The following SLC25A48 variants were observed in gnomAD, a reference collection of about 807,000 sequenced individuals.
SLC25A48 encodes CTC-321K16.1.
In SLC25A48, 29 loss-of-function variants were observed where a neutral mutation model predicts 32.2. The observed-to-expected ratio is 0.90, with a 90% CI of 0.67 to 1.23. The LOEUF is 1.23. Among genes scored for constraint, SLC25A48 ranks in the 50% most tolerant of loss-of-function variants. The pLI is 0.00. For synonymous variants in SLC25A48, 164 were observed against 172.3 expected, an observed-to-expected ratio of 0.95 and a Z score of 0.38; for missense variants, 399 against 422.7, an observed-to-expected ratio of 0.94 and a Z score of 0.49.
chr5:135,686,833 T>C (rs1754030846), intron 3 of SLC25A48, among the ~76,000 whole-genome samples: 1 of 152,168 alleles, frequency 6.6e-6, no homozygotes, highest in South Asian at 2.1e-4. Context: ...GAAGGATGAA[T>C]AGATGAACTG....
chr5:135,752,470 T>C (rs1213104577), intron 3 of SLC25A48, among the ~76,000 whole-genome samples: 1 of 152,220 alleles, frequency 6.6e-6, no homozygotes, highest in African/African-American at 2.4e-5. Context: ...TCACAACGTG[T>C]CCACACATGG....
intron 3 of SLC25A48, among the ~76,000 whole-genome samples, chr5:135,708,665 G>C (rs1319807251): frequency 6.6e-6 from 1 of 152,202 alleles, no homozygotes; most frequent in African/African-American, 2.4e-5. Flanking sequence ...TGCTGCTGTG[G>C]TGCCCAGAGA....
Position 135,852,781 on chromosome 5 carries a change from C to T in SLC25A48, c.381C>T (p.Ile127=), listed in dbSNP as rs745623997. The T allele has an allele frequency of 6.2e-7, 1 of 1,613,460 alleles. No homozygotes were observed. The highest frequency in any genetic ancestry group is 8.5e-7 in the Non-Finnish European group (1 of 1,179,454). ...GGCTGGGAGGGCCCGTGGACCTCAT[C>T]AAGATCCGGTTGCAGATGCAGACAC... ...SVGLGGPVDL[I]KIRLQMQTQP... is the part of the protein sequence containing the mutation. The change falls in exon 4 of 8, where the codon ATC becomes ATT. Residue 127 remains isoleucine (I), a synonymous_variant. Transcript: ENST00000681962.
chr5:135,793,895 C>CCT (rs1267762003), intron 3 of SLC25A48, among the ~76,000 whole-genome samples: 8 of 151,096 alleles, frequency 5.3e-5, no homozygotes, highest in African/African-American at 1.9e-4. Flanking sequence ...AGTGAGTGTA[C>CCT]AACATGTGTG....
rs535250110 is a variant in SLC25A48, at chr5:135,618,607, G to A, written c.-848-10630G>A. On this transcript the variant is annotated intron_variant, in intron 1 of 10. Coordinates refer to the SLC25A48 transcript ENST00000646290. ...TATTTGCTCTACCAGTGGTTTTTAT[G>A]TTTTCATGATGGTAGTTATTGTTCT... 4.0e-5 allele frequency among the ~76,000 whole-genome samples: 6 copies of A among 151,854 alleles called. No homozygotes were observed. In the East Asian group the frequency reaches 7.8e-4, roughly 20 times the overall value.
At chr5:135,843,565 G>C (rs1580968150) in intron 2 of SLC25A48, among the ~76,000 whole-genome samples, 2 of 152,206 alleles carry the variant, frequency 1.3e-5, no homozygotes, top group Admixed American at 1.3e-4. Flanking sequence ...AACACAAGGT[G>C]ATGGCAAACA....
At chr5:135,765,655 C>T (rs1029830301) in intron 3 of SLC25A48, among the ~76,000 whole-genome samples, 2 of 150,930 alleles carry the variant, frequency 1.3e-5, no homozygotes, top group African/African-American at 4.9e-5. Flanking sequence ...ATATTTCTCC[C>T]CATGTCTCTG....
chr5:135,737,944 AG>A (rs1363739222), intron 3 of SLC25A48, among the ~76,000 whole-genome samples: 1 of 152,164 alleles, frequency 6.6e-6, no homozygotes, highest in Non-Finnish European at 1.5e-5. Context: ...GGACCATCCG[AG>A]GAGCTCAGCA....
intron 3 of SLC25A48, among the ~76,000 whole-genome samples, chr5:135,723,380 T>TCTCACACACACACACACACACA (rs1356362581): frequency 5.4e-5 from 6 of 111,712 alleles, no homozygotes; most frequent in Non-Finnish European, 9.2e-5. Context: ...TCTCTCTCTC[T>TCTCACACACACACACACACACA]CACACACACA....
intron 7 of SLC25A48, among the ~76,000 whole-genome samples, chr5:135,884,811 A>G (rs577932230): frequency 2.6e-5 from 4 of 152,294 alleles, no homozygotes; most frequent in African/African-American, 7.2e-5. Flanking sequence ...CACAAGGCCA[A>G]CTGGGGTCTT....
At chr5:135,717,363 C>G (rs1754827436) in intron 3 of SLC25A48, among the ~76,000 whole-genome samples, 1 of 152,174 alleles carries the variant, frequency 6.6e-6, no homozygotes, top group Non-Finnish European at 1.5e-5. Context: ...AGGTATCACT[C>G]CAGGCTGTCT....
chr5:135,592,783 G>C (rs1024105638), intron 1 of SLC25A48, among the ~76,000 whole-genome samples: 29 of 152,252 alleles, frequency 1.9e-4, no homozygotes, highest in African/African-American at 7.0e-4. Flanking sequence ...GGGGAGAGCT[G>C]GTTCCCATGC....
intron 3 of SLC25A48, among the ~76,000 whole-genome samples, chr5:135,637,072 A>G (rs1354486653): frequency 2.6e-5 from 4 of 152,234 alleles, no homozygotes; most frequent in Non-Finnish European, 5.9e-5. Flanking sequence ...TTTAATAGCC[A>G]TTTAGATTTG....
rs530162078 is a variant in SLC25A48, at chr5:135,815,891, A to G, written c.-117+2965A>G. ...TCTTGTCCCAAGCAAAAGTATCTGA[A>G]AAATCATGGCTTAGATGTTGTATTA... On this transcript the variant is annotated intron_variant, in intron 4 of 10. Coordinates refer to the SLC25A48 transcript ENST00000646290. Among the ~76,000 whole-genome samples the G allele has an allele frequency of 7.2e-5, 11 of 152,344 alleles. No individual in the cohort carries two copies. The East Asian group carries it at 2.1e-3, about 29-fold the overall frequency.
At chr5:135,656,221 C>T (rs767570981) in intron 3 of SLC25A48, among the ~76,000 whole-genome samples, 1 of 152,140 alleles carries the variant, frequency 6.6e-6, no homozygotes, top group African/African-American at 2.4e-5. Flanking sequence ...CTTCTCCAAT[C>T]CCCCGCTATC....
At chr5:135,787,661 G>C (rs4521467) in intron 3 of SLC25A48, among the ~76,000 whole-genome samples, 12 of 151,512 alleles carry the variant, frequency 7.9e-5, no homozygotes, top group Admixed American at 1.3e-4. Context: ...TAATATCCTA[G>C]GGGGGATGTT....
At chr5:135,776,686 A>G (rs917002610) in intron 3 of SLC25A48, among the ~76,000 whole-genome samples, 6 of 150,044 alleles carry the variant, frequency 4.0e-5, no homozygotes, top group African/African-American at 9.8e-5. Flanking sequence ...TCCCAATATC[A>G]CAGAGGGTGT....
chr5:135,843,649 T>G (rs941257975), intron 2 of SLC25A48, among the ~76,000 whole-genome samples: 3 of 152,108 alleles, frequency 2.0e-5, no homozygotes, highest in African/African-American at 7.2e-5. Flanking sequence ...AAGTTGAGAC[T>G]CAGATGACAC....
At chr5:135,611,627 G>A (rs11738689) in intron 1 of SLC25A48, among the ~76,000 whole-genome samples, 13,605 of 149,394 alleles carry the variant, frequency 0.091, 612 homozygotes, top group South Asian at 0.15. Context: ...CATGAGAATC[G>A]TTTGCACCTG....
Sources: gnomAD v4.1 joint callset for allele counts (sites outside exome capture counted in the v4.1 genomes callset) on GRCh38, gnomAD v4.1.1 for gene constraint, MANE v1.5 for transcripts, NCBI Gene and HGNC (gene_info 2026-07-23, HGNC 2026-07-21) for gene names.